Variants in KCNK2 observed in about 807,000 individuals in gnomAD.
KCNK2 encodes the protein potassium two pore domain channel subfamily K member 2, also known as potassium channel subfamily K member 2.
Under a neutral mutation model 40.5 loss-of-function variants are expected in KCNK2, and 21 were observed. The ratio of observed to expected loss-of-function variants is 0.52; its 90% CI spans 0.37 to 0.75. The LOEUF (loss-of-function observed/expected upper bound fraction) is 0.75, where lower values mean the gene tolerates loss of function less well. Ranked by LOEUF, KCNK2 falls within the 30% of genes least tolerant of loss-of-function variation. KCNK2 has a pLI of 0.00. For missense variants in KCNK2, 399 were observed against 531.6 expected (o/e 0.75, Z 2.45); for synonymous variants, 191 against 202.2 (o/e 0.94, Z 0.47).
At chr1:215,093,141 A>G (rs2102538958) in intron 2 of KCNK2, among the ~76,000 whole-genome samples, 1 of 151,992 alleles carries the variant, frequency 6.6e-6, no homozygotes, top group East Asian at 1.9e-4. Flanking sequence ...GTAGGTTGAA[A>G]TGAACAGAGA....
At chr1:215,085,051 AG>A (rs1429628153) in intron 1 of KCNK2, among the ~76,000 whole-genome samples, 1 of 152,246 alleles carries the variant, frequency 6.6e-6, no homozygotes, top group Non-Finnish European at 1.5e-5. Flanking sequence ...AGGGCAGGGT[AG>A]GTAGCCATGT....
chr1:215,182,517 G>A (rs1429601442), intron 5 of KCNK2, among the ~76,000 whole-genome samples: 1 of 152,108 alleles, frequency 6.6e-6, no homozygotes, highest in Admixed American at 6.6e-5. Flanking sequence ...ATTGGTACCA[G>A]GTCACCACTC....
Position 215,083,235 on chromosome 1 carries a change from A to G in KCNK2, c.-151A>G. The G allele has an allele frequency of 1.4e-6, 1 of 698,054 alleles. No individual in the cohort carries two copies. Among genetic ancestry groups the G allele is most frequent in the Non-Finnish European group, 1.9e-6 (1 of 539,520 alleles). 43.2% of individuals were successfully genotyped at this position (698,054 alleles called of 1,614,324 possible). A position where few individuals can be genotyped will look rare whatever the true frequency, so the allele number is the denominator to read the frequency against. The stretch of plus-strand genomic sequence containing the variant: ...TCCCGCGTCCAGCCCCGCTCTCCCC[A>G]CCTTGTAAAACAAAGCCGGGGAAAA... On this transcript the variant is annotated 5_prime_UTR_variant, in exon 1 of 7. Transcript: ENST00000444842.
intron 1 of KCNK2, among the ~76,000 whole-genome samples, chr1:215,062,116 T>G (rs1162708857): frequency 6.6e-6 from 1 of 152,140 alleles, no homozygotes; most frequent in Non-Finnish European, 1.5e-5. Context: ...CTCTAACCAA[T>G]ACATGGCTTT....
chr1:215,219,088 A>G (rs1312872283), intron 6 of KCNK2, among the ~76,000 whole-genome samples: 1 of 152,214 alleles, frequency 6.6e-6, no homozygotes. Context: ...TTAATTTAAT[A>G]GCTGTCATGT....
chr1:215,235,212 G>A lies in KCNK2; in HGVS notation c.*67G>A, dbSNP rs1378512688. 7.4e-7 allele frequency: 1 copy of A among 1,356,240 alleles called. No homozygotes were observed. Among genetic ancestry groups the A allele is most frequent in the Non-Finnish European group, 1.0e-6 (1 of 991,736 alleles). 84.0% of individuals were successfully genotyped at this position (1,356,240 alleles called of 1,614,324 possible). ...CTTCTCTATGCTCTTTATGACTGTT[G>A]CTGGTAGCATTTTTTAAATTGTGCA... On this transcript the variant is annotated 3_prime_UTR_variant, in exon 7 of 7. Coordinates refer to ENST00000444842, the MANE Select transcript of KCNK2 (RefSeq NM_001017425.3).
At chr1:215,055,095 A>T (rs1434249357) in intron 1 of KCNK2, among the ~76,000 whole-genome samples, 10 of 152,240 alleles carry the variant, frequency 6.6e-5, no homozygotes, top group Admixed American at 5.2e-4. Flanking sequence ...GGAAACTGTG[A>T]AAGTTTTGAC....
intron 3 of KCNK2, among the ~76,000 whole-genome samples, chr1:215,150,999 T>C (rs961416953): frequency 2.6e-5 from 4 of 152,086 alleles, no homozygotes; most frequent in African/African-American, 9.6e-5. Context: ...GAGATAGATA[T>C]TCTTTGTCAT....
chr1:215,183,384 C>G lies in KCNK2; in HGVS notation c.823+11201C>G, dbSNP rs74937787. 9.2e-5 allele frequency among the ~76,000 whole-genome samples: 14 copies of G among 152,202 alleles called. No homozygotes were observed. The East Asian group carries it at 2.7e-3, about 29-fold the overall frequency. On this transcript the variant is annotated intron_variant, in intron 5 of 6. Coordinates refer to ENST00000444842, the MANE Select transcript of KCNK2 (RefSeq NM_001017425.3). ...ACCCACTTAATTTTCAAACTTAGGA[C>G]AGCATTTTTTAACTTAACCTAAAAT...
At chr1:215,024,263 G>A (rs1021499709) in intron 1 of KCNK2, among the ~76,000 whole-genome samples, 3 of 152,178 alleles carry the variant, frequency 2.0e-5, no homozygotes, top group Non-Finnish European at 4.4e-5. Flanking sequence ...ATCTTTGAAT[G>A]GGGCCAGTAT....
chr1:215,192,191 T>C (rs1039637661), intron 5 of KCNK2, among the ~76,000 whole-genome samples: 6 of 152,208 alleles, frequency 3.9e-5, no homozygotes, highest in African/African-American at 1.4e-4. Context: ...AATGTGAAAA[T>C]TAATTCATGA....
At chr1:215,193,989 T>C (rs890363097) in intron 5 of KCNK2, among the ~76,000 whole-genome samples, 2 of 152,206 alleles carry the variant, frequency 1.3e-5, no homozygotes, top group African/African-American at 4.8e-5. Flanking sequence ...ACTTCTTCTA[T>C]GTCCTCTCAT....
rs535487540 is a variant in KCNK2, at chr1:215,113,954, GTAGT to G, written c.358-10674_358-10671del. On this transcript the variant is annotated intron_variant, in intron 2 of 6. Transcript: ENST00000444842. ...ATGAAAGTGTGAGTGAGGTTCAAGT[GTAGT>G]TAGTCATCTCCTAATGCCCATAACC... is the stretch of plus-strand genomic sequence containing the variant. Among the ~76,000 whole-genome samples the G allele has an allele frequency of 4.1e-3, 631 of 152,266 alleles. 1 individual carries two copies. The highest frequency in any genetic ancestry group is 6.0e-3 in the Non-Finnish European group (407 of 68,002).
chr1:215,036,973 T>C (rs933099626), intron 1 of KCNK2, among the ~76,000 whole-genome samples: 13 of 150,680 alleles, frequency 8.6e-5, no homozygotes, highest in Non-Finnish European at 1.9e-4. Context: ...ATTTTACTTC[T>C]TCCTTTTCAT....
chr1:215,197,826 T>A lies in KCNK2; in HGVS notation c.963+2734T>A, dbSNP rs754286260. The stretch of plus-strand genomic sequence containing the variant: ...ATCAGTCTAGCCAACATGGTGAAAC[T>A]TCATCTCTACTAAAAATACAAAAAT... On this transcript the variant is annotated intron_variant, in intron 6 of 6. Transcript: ENST00000444842. Among the ~76,000 whole-genome samples, 11 of 152,060 alleles carry A rather than the reference T, an allele frequency of 7.2e-5. 1 individual carries two copies. The highest frequency in any genetic ancestry group is 1.0e-4 in the Non-Finnish European group (7 of 68,010).
At chr1:215,113,662 C>T (rs917861194) in intron 2 of KCNK2, among the ~76,000 whole-genome samples, 2 of 152,130 alleles carry the variant, frequency 1.3e-5, no homozygotes, top group African/African-American at 4.8e-5. Context: ...ATGGCACGAT[C>T]CCGGCTCACT....
chr1:215,202,053 A>G (rs971949156), intron 6 of KCNK2, among the ~76,000 whole-genome samples: 1 of 152,194 alleles, frequency 6.6e-6, no homozygotes, highest in East Asian at 1.9e-4. Context: ...ATATTCAAGT[A>G]GTTATAAATG....
At chr1:215,043,846 G>A (rs572643683) in intron 1 of KCNK2, among the ~76,000 whole-genome samples, 94 of 152,206 alleles carry the variant, frequency 6.2e-4, no homozygotes, top group African/African-American at 2.1e-3. Flanking sequence ...AAATCTTGGG[G>A]TAGTAAACAA....
intron 3 of KCNK2, among the ~76,000 whole-genome samples, chr1:215,129,902 C>T (rs1221302415): frequency 6.6e-6 from 1 of 152,160 alleles, no homozygotes; most frequent in East Asian, 1.9e-4. Context: ...TGGTATAATA[C>T]AAAAATATAT....
Sources: allele counts gnomAD v4.1 joint callset (sites outside exome capture counted in the v4.1 genomes callset), GRCh38; gene constraint gnomAD v4.1.1; transcripts MANE v1.5; gene names NCBI Gene and HGNC (gene_info 2026-07-23, HGNC 2026-07-21).